GPM6B: variants seen among roughly 807,000 people sequenced by gnomAD.
GPM6B encodes glycoprotein M6B.
In GPM6B, 4 loss-of-function variants were observed where a neutral mutation model predicts 27.2. That is an observed-to-expected ratio of 0.15 (90% CI 0.07 to 0.34). The LOEUF (loss-of-function observed/expected upper bound fraction) is 0.34, where lower values mean the gene tolerates loss of function less well. Among genes scored for constraint, GPM6B ranks in the 10% least tolerant of loss-of-function variants. The pLI is 1.00. For synonymous variants in GPM6B, 124 were observed against 103.1 expected, an observed-to-expected ratio of 1.20 and a Z score of -1.23; for missense variants, 183 against 261.9, an observed-to-expected ratio of 0.70 and a Z score of 2.08.
chrX:13,929,128 G>C (rs778362386), intron 1 of GPM6B, among the ~76,000 whole-genome samples: 1 of 112,205 alleles, frequency 8.9e-6, no homozygotes, highest in Admixed American at 9.5e-5. Context: ...TCTAAATTTG[G>C]AAAGGCCATC....
At chrX:13,845,092 C>T (rs1307630954) in intron 1 of GPM6B, among the ~76,000 whole-genome samples, 2 of 108,258 alleles carry the variant, frequency 1.8e-5, no homozygotes, top group African/African-American at 6.8e-5. Context: ...TGGGTTCAAG[C>T]GATTCCCATG....
chrX:13,938,245 C>A, intron 1 of GPM6B: 1 of 259,186 alleles, frequency 3.9e-6, no homozygotes. Flanking sequence ...TAGGCTCCCG[C>A]GAGCCGCACG....
chrX:13,930,565 G>C (rs1475012943), intron 1 of GPM6B, among the ~76,000 whole-genome samples: 19 of 109,843 alleles, frequency 1.7e-4, no homozygotes, highest in Non-Finnish European at 3.6e-4. Flanking sequence ...AGTAAGCCGA[G>C]ATCGTGCCAC....
intron 2 of GPM6B, among the ~76,000 whole-genome samples, chrX:13,802,640 A>T (rs2048944368): frequency 9.0e-6 from 1 of 111,082 alleles, no homozygotes; most frequent in African/African-American, 3.3e-5. Flanking sequence ...TTTTGGTGAA[A>T]ACTGCAGGTG....
At chrX:13,780,708 C>G (rs2048500401) in intron 4 of GPM6B, among the ~76,000 whole-genome samples, 1 of 112,223 alleles carries the variant, frequency 8.9e-6, no homozygotes, top group East Asian at 2.8e-4. Flanking sequence ...CATGGGCAAT[C>G]CAGGAAGAAT....
intron 1 of GPM6B, among the ~76,000 whole-genome samples, chrX:13,909,120 C>T (rs1182631336): frequency 1.4e-5 from 1 of 69,833 alleles, no homozygotes; most frequent in African/African-American, 6.2e-5. Flanking sequence ...TGTTCATATC[C>T]TTTTTTTTTT....
intron 1 of GPM6B, among the ~76,000 whole-genome samples, chrX:13,834,405 A>T (rs2049474229): frequency 8.9e-6 from 1 of 112,675 alleles, no homozygotes; most frequent in Non-Finnish European, 1.9e-5. Context: ...CTGGGCCAAG[A>T]GAGAGCACAA....
intron 1 of GPM6B, among the ~76,000 whole-genome samples, chrX:13,809,619 TAAAAA>T (rs199934968): frequency 0.013 from 1,391 of 109,115 alleles, 19 homozygotes; most frequent in African/African-American, 0.044. Flanking sequence ...GTACTAAAAA[TAAAAA>T]AAATATATAA....
rs752984772 is a variant in GPM6B at position 13,816,935 on chromosome X, T to TC, written c.-32dup. ...CCACCAAAAATGCTTTTCCCCCTGTTCCCCCCAACACACACTTGTTTTTCC... is the reference window on the plus strand; with the variant it reads ...CCACCAAAAATGCTTTTCCCCCTGTTCCCCCCCAACACACACTTGTTTTTCC... On this transcript the variant is annotated 5_prime_UTR_variant, in exon 1 of 8. Transcript: ENST00000316715. 7.6e-6 allele frequency: 9 copies of TC among 1,181,948 alleles called. No individual in the cohort carries two copies. Among genetic ancestry groups the TC allele is most frequent in the East Asian group, 3.0e-5 (1 of 33,028 alleles).
chrX:13,905,812 C>G (rs149655281), intron 1 of GPM6B, among the ~76,000 whole-genome samples: 69 of 111,111 alleles, frequency 6.2e-4, no homozygotes, highest in African/African-American at 1.8e-3. Context: ...TTAAAAACCC[C>G]TATTTGATCT....
intron 1 of GPM6B, among the ~76,000 whole-genome samples, chrX:13,812,581 G>A (rs956407835): frequency 9.0e-6 from 1 of 111,456 alleles, no homozygotes; most frequent in East Asian, 2.8e-4. Flanking sequence ...GTCACAGAGA[G>A]GGGAAGTTTA....
intron 1 of GPM6B, among the ~76,000 whole-genome samples, chrX:13,864,449 T>A (rs17300758): frequency 0.2 from 22,552 of 111,707 alleles, 1,656 homozygotes; most frequent in East Asian, 0.33. Context: ...GACTTGCACA[T>A]CAGGTGGTGG....
intron 1 of GPM6B, among the ~76,000 whole-genome samples, chrX:13,869,858 G>C (rs1293835859): frequency 2.7e-5 from 3 of 111,867 alleles, no homozygotes; most frequent in Non-Finnish European, 5.6e-5. Flanking sequence ...CTAAAGCACA[G>C]AACTTATTTG....
chrX:13,777,454 G>A (rs754575680), intron 5 of GPM6B, 29 bp from the exon 6 acceptor site: 8 of 1,005,686 alleles, frequency 8.0e-6, no homozygotes, highest in Admixed American at 4.4e-5. Flanking sequence ...TAGGATGTTA[G>A]TACAAACTAT....
At chrX:13,809,381 A>G (rs920207112) in intron 1 of GPM6B, among the ~76,000 whole-genome samples, 3 of 112,056 alleles carry the variant, frequency 2.7e-5, no homozygotes, top group Admixed American at 1.9e-4. Flanking sequence ...TTTGCAGTTG[A>G]GTTGTGCTTC....
chrX:13,825,911 T>C (rs760479021), intron 1 of GPM6B, among the ~76,000 whole-genome samples: 1 of 111,483 alleles, frequency 9.0e-6, no homozygotes, highest in Non-Finnish European at 1.9e-5. Flanking sequence ...GAGGGCCAGC[T>C]GTGGGTGGCA....
chrX:13,837,951 A>G (rs1252035036), intron 1 of GPM6B, among the ~76,000 whole-genome samples: 1 of 110,601 alleles, frequency 9.0e-6, no homozygotes, highest in East Asian at 2.8e-4. Flanking sequence ...AAAAATTACA[A>G]ACCCTAAACT....
chrX:13,816,857 G>T lies in GPM6B; in HGVS notation c.48C>A (p.Ser16Arg). ...AGCGCTGGGTACCTTTTCTCTCTTG[G>T]CTTTGTTCAGTATTTTCCTCGGCTG... ...ETAAEENTEQ[S>R]QERKVNSRAE... Residue 16 changes from serine to arginine, a missense_variant, in exon 1 of 8, where the codon AGC (serine) becomes AGA (arginine). By Grantham distance (110) the Ser-to-Arg change is moderately radical. Transcript: ENST00000316715. The T allele has an allele frequency of 8.3e-7, 1 of 1,210,131 alleles. No individual in the cohort carries two copies.
intron 1 of GPM6B, among the ~76,000 whole-genome samples, chrX:13,899,746 C>T (rs1021692159): frequency 3.6e-5 from 4 of 111,132 alleles, no homozygotes; most frequent in Admixed American, 2.9e-4. Flanking sequence ...AGGAGCTGTA[C>T]GGACATTGAG....
Sources: allele counts gnomAD v4.1 joint callset (sites outside exome capture counted in the v4.1 genomes callset), GRCh38; gene constraint gnomAD v4.1.1; transcripts MANE v1.5; gene names NCBI Gene and HGNC (gene_info 2026-07-23, HGNC 2026-07-21).